TENT4A: variants seen among roughly 807,000 people sequenced by gnomAD.
TENT4A encodes the protein terminal nucleotidyltransferase 4A.
Under a neutral mutation model 72.8 loss-of-function variants are expected in TENT4A, and 7 were observed. That is an observed-to-expected ratio of 0.10 (90% confidence interval 0.05 to 0.18). The LOEUF (loss-of-function observed/expected upper bound fraction) is 0.18, where lower values mean the gene tolerates loss of function less well. Among genes scored for constraint, TENT4A ranks in the 10% least tolerant of loss-of-function variants. The pLI is 1.00. For synonymous variants in TENT4A, 456 were observed against 434.3 expected (o/e 1.05, Z -0.62); for missense variants, 831 against 1,017.7 (o/e 0.82, Z 2.50).
chr5:6,726,884 G>A (rs867858859), intron 1 of TENT4A, among the ~76,000 whole-genome samples: 4 of 151,834 alleles, frequency 2.6e-5, no homozygotes, highest in African/African-American at 9.7e-5. Flanking sequence ...TTAGCGTGGC[G>A]GGGGGTTTTC....
rs989515489 is a variant in TENT4A at position 6,756,041 on chromosome 5, A to T, written c.*1096A>T. 6.6e-6 allele frequency: 1 copy of T among 152,462 alleles called. No individual in the cohort carries two copies. The highest frequency in any genetic ancestry group is 2.4e-5 in the African/African-American group (1 of 41,452). 9.4% of individuals were successfully genotyped at this position (152,462 alleles called of 1,614,324 possible). On this transcript the variant is annotated 3_prime_UTR_variant, in exon 13 of 13. Coordinates refer to ENST00000230859, the MANE Select transcript of TENT4A (RefSeq NM_006999.6). ...GATTCCGTTGAGGAATCTGTAGCGTATGCATTCGTTCTGTTAAGAGCAAAT... is the reference window on the plus strand; with the variant it reads ...GATTCCGTTGAGGAATCTGTAGCGTTTGCATTCGTTCTGTTAAGAGCAAAT...
chr5:6,748,710 A>G, intron 8 of TENT4A, 120 bp downstream of exon 8: 2 of 1,063,480 alleles, frequency 1.9e-6, no homozygotes, highest in East Asian at 2.4e-5. Flanking sequence ...TTTCAGTAGA[A>G]TCTAGATATG....
At chr5:6,720,974 T>C (rs1473774832) in intron 1 of TENT4A, among the ~76,000 whole-genome samples, 1 of 152,188 alleles carries the variant, frequency 6.6e-6, no homozygotes, top group Non-Finnish European at 1.5e-5. Flanking sequence ...CCCCAGAACC[T>C]TGGCTTCAGA....
At chr5:6,719,997 T>C (rs1740565772) in intron 1 of TENT4A, among the ~76,000 whole-genome samples, 3 of 152,304 alleles carry the variant, frequency 2.0e-5, no homozygotes, top group South Asian at 2.1e-4. Context: ...ATTCCTGTTA[T>C]TGTCAGAATT....
chr5:6,714,071 G>A lies in TENT4A; in HGVS notation c.88G>A (p.Val30Met). The A allele has an allele frequency of 1.0e-6, 1 of 992,628 alleles. No individual in the cohort carries two copies. The highest frequency in any genetic ancestry group is 1.2e-6 in the Non-Finnish European group (1 of 835,524). The allele number at this position is 992,628 out of a possible 1,614,324, so 61.5% of individuals were successfully genotyped here. A position where few individuals can be genotyped will look rare whatever the true frequency, so the allele number is the denominator to read the frequency against. Residue 30 changes from valine to methionine, a missense_variant, in exon 1 of 13, where the codon GTG becomes ATG. This residue lies in a region of TENT4A where 302 missense variants were observed against 293.8 expected (regional missense o/e 1.03). Transcript: ENST00000230859. ...GCAGATCTGGGAGACCTCGCAGGGC[G>A]TGGGCCGCGGCGGCTCGGGCTTCGC... ...WMQIWETSQGVGRGGSGFASY... is the reference protein window; with the variant it reads ...WMQIWETSQGMGRGGSGFASY...
intron 1 of TENT4A, among the ~76,000 whole-genome samples, chr5:6,731,542 CTTTTT>C (rs375328687): frequency 6.9e-6 from 1 of 143,928 alleles, no homozygotes; most frequent in East Asian, 2.0e-4. Flanking sequence ...GGTGCTGAAA[CTTTTT>C]TTTTTTTTTT....
rs1042280816 is a variant in TENT4A, at chr5:6,714,717, C to G, written c.716+18C>G. 8 of 1,003,946 alleles carry G rather than the reference C, an allele frequency of 8.0e-6. No homozygotes were observed. In the African/African-American group the frequency reaches 1.4e-4, roughly 17 times the overall value. The allele number at this position is 1,003,946 out of a possible 1,614,324, so 62.2% of individuals were successfully genotyped here. A position where few individuals can be genotyped will look rare whatever the true frequency, so the allele number is the denominator to read the frequency against. On this transcript the variant is annotated intron_variant, in intron 1 of 12. Transcript: ENST00000230859. The stretch of plus-strand genomic sequence containing the variant: ...ATCCAGGGGTGAGTGCGCGGGGAGG[C>G]CGCGGGGGCGGGGGCGGGGCCCATG...
chr5:6,748,124 G>A (rs1454359823), intron 7 of TENT4A, among the ~76,000 whole-genome samples: 1 of 152,182 alleles, frequency 6.6e-6, no homozygotes, highest in Non-Finnish European at 1.5e-5. Context: ...GCTTCCTCAT[G>A]TTTCTGCCAC....
chr5:6,735,842 C>T (rs1741457023), intron 1 of TENT4A, among the ~76,000 whole-genome samples: 1 of 151,518 alleles, frequency 6.6e-6, no homozygotes, highest in Non-Finnish European at 1.5e-5. Context: ...CCCACTGCAG[C>T]CTCTGCCTCC....
At position 6,754,946 on chromosome 5, in the gene TENT4A, T is replaced by C. The variant is rs537954282; in HGVS notation, c.*1T>C. On this transcript the variant is annotated 3_prime_UTR_variant, in exon 13 of 13. Transcript: ENST00000230859. Reference sequence around the variant, plus strand: ...TCTGCCCGTGAGCCTCAGCAGATAATGGCTCCTGGCTGCGTCAGCCTCCCC... The same window carrying C: ...TCTGCCCGTGAGCCTCAGCAGATAACGGCTCCTGGCTGCGTCAGCCTCCCC... 5 of 1,571,574 alleles carry C rather than the reference T, an allele frequency of 3.2e-6. No individual in the cohort carries two copies. The South Asian group carries it at 3.4e-5, about 11-fold the overall frequency.
chr5:6,749,252 C>T (rs1742265864), intron 8 of TENT4A, among the ~76,000 whole-genome samples: 1 of 152,132 alleles, frequency 6.6e-6, no homozygotes, highest in Non-Finnish European at 1.5e-5. Context: ...TCTCCATTCT[C>T]GTCCGTGCAG....
intron 1 of TENT4A, among the ~76,000 whole-genome samples, chr5:6,728,412 G>A (rs1293604522): frequency 6.6e-6 from 1 of 152,226 alleles, no homozygotes; most frequent in Non-Finnish European, 1.5e-5. Flanking sequence ...GAGCCTGGTT[G>A]GCCTTACTGG....
At chr5:6,742,729 T>G (rs1351950232) in intron 5 of TENT4A, 132 bp downstream of exon 5, 1 of 595,272 alleles carries the variant, frequency 1.7e-6, no homozygotes, top group Non-Finnish European at 3.1e-6. Flanking sequence ...CTTACATTAT[T>G]TCTCCTACAA....
At chr5:6,727,242 G>A (rs1057290863) in intron 1 of TENT4A, among the ~76,000 whole-genome samples, 4 of 151,988 alleles carry the variant, frequency 2.6e-5, no homozygotes, top group Admixed American at 2.0e-4. Flanking sequence ...CATGGATGTC[G>A]CTCACCCAAG....
intron 12 of TENT4A, among the ~76,000 whole-genome samples, 200 bp from the exon 13 acceptor site, chr5:6,754,551 A>G (rs373707504): frequency 8.7e-4 from 133 of 152,304 alleles, no homozygotes; most frequent in African/African-American, 3.0e-3. Context: ...ATCCTGGTAC[A>G]TGGTTCTTGC....
Position 6,714,172 on chromosome 5 carries a change from C to T in TENT4A, c.189C>T (p.Gly63=). 1.0e-6 allele frequency: 1 copy of T among 968,310 alleles called. No individual in the cohort carries two copies. 60.0% of individuals were successfully genotyped at this position (968,310 alleles called of 1,614,324 possible). A position where few individuals can be genotyped will look rare whatever the true frequency, so the allele number is the denominator to read the frequency against. ...AAGAAGRGSG[G]LGPALPAASP... ...GGGCGGCCGGGCGGGGCAGTGGCGG[C>T]CTGGGCCCCGCGCTGCCCGCCGCGT... The change falls in exon 1 of 13, where the codon GGC becomes GGT. Residue 63 remains glycine, a synonymous_variant. Transcript: ENST00000230859.
intron 1 of TENT4A, among the ~76,000 whole-genome samples, chr5:6,729,582 C>T (rs877238): frequency 0.18 from 27,594 of 152,262 alleles, 2,821 homozygotes; most frequent in Non-Finnish European, 0.23. Flanking sequence ...AGCTGCCCTG[C>T]GGTAGTCAGC....
intron 1 of TENT4A, among the ~76,000 whole-genome samples, chr5:6,733,761 T>A (rs907780176): frequency 1.3e-5 from 2 of 152,178 alleles, no homozygotes; most frequent in Admixed American, 6.5e-5. Context: ...AAGTCATAGA[T>A]GAGTAAAGGA....
chr5:6,737,390 A>G lies in TENT4A; in HGVS notation c.717-120A>G, dbSNP rs888288987. The G allele has an allele frequency of 3.4e-6, 3 of 871,676 alleles. No individual in the cohort carries two copies. The African/African-American group carries it at 5.1e-5, about 15-fold the overall frequency. The allele number at this position is 871,676 out of a possible 1,614,324, so 54.0% of individuals were successfully genotyped here. A position where few individuals can be genotyped will look rare whatever the true frequency, so the allele number is the denominator to read the frequency against. On this transcript the variant is annotated intron_variant, in intron 1 of 12. Transcript: ENST00000230859. Reference sequence around the variant, plus strand: ...TTTTCATTTTATACTTTCAGAGGAGAAATGAAACTGAATTTCGTGGCCAGA... The same window carrying G: ...TTTTCATTTTATACTTTCAGAGGAGGAATGAAACTGAATTTCGTGGCCAGA...
Sources: allele counts gnomAD v4.1 joint callset (sites outside exome capture counted in the v4.1 genomes callset), GRCh38; gene constraint gnomAD v4.1.1; regional missense constraint gnomAD v4.1.1; transcripts MANE v1.5; gene names NCBI Gene and HGNC (gene_info 2026-07-23, HGNC 2026-07-21).